TMPO: variants seen among roughly 807,000 people sequenced by gnomAD.
TMPO encodes LEM domain containing 4.
TMPO carries 22 observed loss-of-function variants against 45.4 expected under a neutral mutation model. The ratio of observed to expected loss-of-function variants is 0.48; its 90% CI spans 0.35 to 0.69. TMPO has a LOEUF of 0.69. TMPO is among the 30% of genes least tolerant of loss of function. The pLI is 0.01. For synonymous variants in TMPO, 241 were observed against 204.1 expected, an observed-to-expected ratio of 1.18 and a Z score of -1.54; for missense variants, 512 against 548.8, an observed-to-expected ratio of 0.93 and a Z score of 0.67.
intron 3 of TMPO, chr12:98,533,666 C>T: frequency 1.2e-6 from 2 of 1,614,192 alleles, no homozygotes; most frequent in Non-Finnish European, 8.5e-7. Context: ...CATTCACTCA[C>T]TACCTTAGGT....
intron 1 of TMPO, among the ~76,000 whole-genome samples, chr12:98,522,014 G>A (rs1210230494): frequency 6.6e-6 from 1 of 152,034 alleles, no homozygotes; most frequent in Non-Finnish European, 1.5e-5. Flanking sequence ...ACAGGCGTGA[G>A]CCACCACGCC....
intron 8 of TMPO, 51 bp downstream of exon 8, chr12:98,546,498 T>G: frequency 1.5e-6 from 2 of 1,305,804 alleles, no homozygotes; most frequent in Non-Finnish European, 2.2e-6. Context: ...AGGGAATCTT[T>G]ATTTTTAATT....
chr12:98,516,509 A>C, intron 1 of TMPO: 7 of 1,063,322 alleles, frequency 6.6e-6, no homozygotes, highest in East Asian at 6.6e-5. Flanking sequence ...TGGCCCCAAA[A>C]TGCTATAGGT....
At chr12:98,516,688 G>C (rs1194316872) in intron 1 of TMPO, among the ~76,000 whole-genome samples, 1 of 152,160 alleles carries the variant, frequency 6.6e-6, no homozygotes, top group Non-Finnish European at 1.5e-5. Flanking sequence ...AACCGTTTAT[G>C]TTTTCTAGTT....
intron 1 of TMPO, among the ~76,000 whole-genome samples, chr12:98,521,100 A>ATTT (rs398044704): frequency 1.2e-3 from 91 of 76,758 alleles, no homozygotes; most frequent in East Asian, 5.6e-3. Flanking sequence ...TTTATGAGGA[A>ATTT]TTTTTTTTTT....
At chr12:98,525,281 A>T (rs1282584325) in intron 1 of TMPO, among the ~76,000 whole-genome samples, 1 of 151,946 alleles carries the variant, frequency 6.6e-6, no homozygotes, top group African/African-American at 2.4e-5. Flanking sequence ...TGCTAAAAGT[A>T]CTCTCACTGT....
intron 1 of TMPO, among the ~76,000 whole-genome samples, chr12:98,525,638 G>A (rs1164394287): frequency 6.6e-6 from 1 of 151,824 alleles, no homozygotes; most frequent in Non-Finnish European, 1.5e-5. Flanking sequence ...CTACTCAGGA[G>A]GCTGAGGCAG....
At chr12:98,521,780 A>G (rs1489959824) in intron 1 of TMPO, among the ~76,000 whole-genome samples, 1 of 152,164 alleles carries the variant, frequency 6.6e-6, no homozygotes, top group Non-Finnish European at 1.5e-5. Flanking sequence ...TCCAGGCTGG[A>G]GTGCAGTGGC....
intron 1 of TMPO, among the ~76,000 whole-genome samples, chr12:98,524,237 G>T (rs1177831620): frequency 6.6e-6 from 1 of 152,196 alleles, no homozygotes; most frequent in East Asian, 1.9e-4. Context: ...CCAAGGTGAA[G>T]AATCAGAAAT....
intron 1 of TMPO, chr12:98,516,476 C>G: frequency 1.2e-5 from 13 of 1,118,830 alleles, no homozygotes; most frequent in Non-Finnish European, 1.4e-5. Context: ...GACTTCCGTG[C>G]CCTTTCGAAA....
intron 1 of TMPO, among the ~76,000 whole-genome samples, chr12:98,518,688 G>T (rs199654831): frequency 2.6e-5 from 4 of 151,672 alleles, no homozygotes; most frequent in Admixed American, 6.6e-5. Flanking sequence ...TGTTCTTTTG[G>T]GGGGTAAGAA....
rs915682088 is a variant in TMPO, at chr12:98,536,298, G to A, written c.566-1177G>A. On this transcript the variant is annotated intron_variant, in intron 3 of 8. Transcript: ENST00000556029. Reference sequence around the variant, plus strand: ...CTAACTTAAATTTTTGGTAGTAGAAGTTTTAGAAATAACAACTGACTAATT... The same window carrying A: ...CTAACTTAAATTTTTGGTAGTAGAAATTTTAGAAATAACAACTGACTAATT... 5.9e-5 allele frequency among the ~76,000 whole-genome samples: 9 copies of A among 151,870 alleles called. No homozygotes were observed. The East Asian group carries it at 1.5e-3, about 26-fold the overall frequency.
chr12:98,544,635 CAT>C, intron 6 of TMPO, 98 bp downstream of exon 6: 1 of 907,930 alleles, frequency 1.1e-6, no homozygotes, highest in South Asian at 1.6e-5. Flanking sequence ...CTCAAATTTA[CAT>C]GTTTTTTTTT....
intron 1 of TMPO, among the ~76,000 whole-genome samples, chr12:98,526,755 C>G (rs538767993): frequency 2.6e-5 from 4 of 151,910 alleles, no homozygotes; most frequent in African/African-American, 7.3e-5. Flanking sequence ...GTCAAGAGAT[C>G]GAGACCATTC....
At position 98,546,389 on chromosome 12, in the gene TMPO, G is replaced by A; in HGVS notation, c.1021G>A (p.Glu341Lys). 6.2e-7 allele frequency: 1 copy of A among 1,612,890 alleles called. No homozygotes were observed. Residue 341 changes from glutamate to lysine, a missense_variant, in exon 8 of 9, where the codon GAA becomes AAA. Around this residue, in one of 3 missense-constraint regions of TMPO, gnomAD observed 209 missense variants for 235.1 expected, o/e 0.89. Coordinates refer to ENST00000556029, the MANE Select transcript of TMPO (RefSeq NM_001032283.3). The stretch of plus-strand genomic sequence containing the variant: ...AGAAAAAACAGAGGAAAGAAGAGTA[G>A]AAAGGGATATTCTTAAGGAAATGTT... Reference protein sequence around the residue: ...VGEKTEERRVERDILKEMFPY... With the variant: ...VGEKTEERRVKRDILKEMFPY...
At chr12:98,534,378 T>C in intron 3 of TMPO, 3 of 1,606,626 alleles carry the variant, frequency 1.9e-6, no homozygotes, top group Non-Finnish European at 2.5e-6. Flanking sequence ...ATCTTATCTT[T>C]CAGGTACTTT....
rs35487542 is a variant in TMPO at position 98,542,451 on chromosome 12, C to CTTT, written c.664-1765_664-1763dup. Among the ~76,000 whole-genome samples, 763 of 138,298 alleles carry CTTT rather than the reference C, an allele frequency of 5.5e-3. 5 individuals are homozygous for CTTT. The highest frequency in any genetic ancestry group is 8.8e-3 in the African/African-American group (332 of 37,736). The allele number at this position is 138,298 out of a possible 152,430, so 90.7% of individuals were successfully genotyped here. ...TGGTTATGGTAGTTGGGGGCATTTG[C>CTTT]TTTTTTTTTTTTTTTTAAAGCTCTC... On this transcript the variant is annotated intron_variant, in intron 4 of 8. Coordinates refer to ENST00000556029, the MANE Select transcript of TMPO (RefSeq NM_001032283.3).
At chr12:98,516,264 G>C in intron 1 of TMPO, 118 bp downstream of exon 1, 4 of 1,260,310 alleles carry the variant, frequency 3.2e-6, no homozygotes, top group Non-Finnish European at 4.0e-6. Flanking sequence ...GTGCGGGGCT[G>C]TCCCTGCGCC....
chr12:98,521,561 TG>T (rs1241298021), intron 1 of TMPO, among the ~76,000 whole-genome samples: 2 of 152,262 alleles, frequency 1.3e-5, no homozygotes, highest in Non-Finnish European at 2.9e-5. Context: ...TTTTATTTTA[TG>T]TATCTTGCTA....
Sources: allele counts gnomAD v4.1 joint callset (sites outside exome capture counted in the v4.1 genomes callset), GRCh38; gene constraint gnomAD v4.1.1; regional missense constraint gnomAD v4.1.1; transcripts MANE v1.5; gene names NCBI Gene and HGNC (gene_info 2026-07-23, HGNC 2026-07-21).